The following EVI5 variants were observed in gnomAD, a reference collection of about 807,000 sequenced individuals.
EVI5 encodes ecotropic viral integration site 5.
Under a neutral mutation model 112.0 loss-of-function variants are expected in EVI5, and 73 were observed. The ratio of observed to expected loss-of-function variants is 0.65; its 90% CI spans 0.54 to 0.79. The LOEUF (loss-of-function observed/expected upper bound fraction) is 0.79. Ranked by LOEUF, EVI5 falls within the 30% of genes least tolerant of loss-of-function variation. The probability of loss-of-function intolerance (pLI) is 0.00; values close to 1 mark genes in which losing one functional copy is unlikely to be tolerated. For missense variants in EVI5, 900 were observed against 968.8 expected (o/e 0.93, Z 0.94); for synonymous variants, 305 against 319.9 (o/e 0.95, Z 0.50).
intron 10 of EVI5, among the ~76,000 whole-genome samples, chr1:92,670,747 A>C (rs1665732368): frequency 1.3e-5 from 2 of 152,150 alleles, no homozygotes; most frequent in Non-Finnish European, 2.9e-5. Context: ...ATTGTCTCTC[A>C]GTTGATAATC....
intron 2 of EVI5, among the ~76,000 whole-genome samples, chr1:92,706,830 G>A (rs950613723): frequency 6.6e-6 from 1 of 152,064 alleles, no homozygotes; most frequent in African/African-American, 2.4e-5. Flanking sequence ...CTTATAAAAT[G>A]GTTTAAAATA....
intron 19 of EVI5, among the ~76,000 whole-genome samples, chr1:92,532,990 A>G (rs1345066137): frequency 7.6e-6 from 1 of 131,898 alleles, no homozygotes; most frequent in African/African-American, 3.1e-5. Flanking sequence ...AAATCAATGA[A>G]TCTAGGAACT....
intron 2 of EVI5, among the ~76,000 whole-genome samples, chr1:92,735,510 T>C (rs1477283017): frequency 1.3e-5 from 2 of 151,128 alleles, no homozygotes; most frequent in Non-Finnish European, 2.9e-5. Context: ...TTAAAAGTTA[T>C]TTTTGTTATG....
At chr1:92,612,231 C>A (rs1651992769) in intron 16 of EVI5, among the ~76,000 whole-genome samples, 2 of 150,956 alleles carry the variant, frequency 1.3e-5, no homozygotes, top group South Asian at 4.2e-4. Context: ...AGAGTCAAAC[C>A]AGTACAGAGA....
chr1:92,571,146 C>A (rs1670269861), intron 18 of EVI5, among the ~76,000 whole-genome samples: 1 of 149,888 alleles, frequency 6.7e-6, no homozygotes, highest in African/African-American at 2.5e-5. Flanking sequence ...ACTATAATGA[C>A]CATTAAGTCA....
At chr1:92,691,825 A>T (rs1669551324) in intron 9 of EVI5, among the ~76,000 whole-genome samples, 1 of 152,222 alleles carries the variant, frequency 6.6e-6, no homozygotes, top group Admixed American at 6.5e-5. Flanking sequence ...GAAGACAGCA[A>T]GTTTAGGAAG....
At chr1:92,711,894 G>C (rs1172154273) in intron 2 of EVI5, among the ~76,000 whole-genome samples, 1 of 152,146 alleles carries the variant, frequency 6.6e-6, no homozygotes, top group Non-Finnish European at 1.5e-5. Flanking sequence ...TTTGGAGGGT[G>C]GGAAGCCCAA....
intron 16 of EVI5, 67 bp from the exon 17 acceptor site, chr1:92,607,794 A>G (rs1390442480): frequency 1.0e-6 from 1 of 990,104 alleles, no homozygotes. Flanking sequence ...AAAATTACCT[A>G]TCCATTTTAT....
At chr1:92,539,542 CAAAAAAAAAA>C (rs1209654037) in intron 19 of EVI5, among the ~76,000 whole-genome samples, 1 of 16,822 alleles carries the variant, frequency 5.9e-5, no homozygotes, top group Non-Finnish European at 1.0e-4. Context: ...GACTCCATCT[CAAAAAAAAAA>C]AAAAAAAAAA....
intron 19 of EVI5, among the ~76,000 whole-genome samples, chr1:92,547,253 G>A (rs915478991): frequency 2.6e-5 from 4 of 152,120 alleles, no homozygotes; most frequent in Non-Finnish European, 4.4e-5. Flanking sequence ...TGACTACTGG[G>A]TACGTAACGA....
At chr1:92,641,329 C>T (rs1659928347) in intron 13 of EVI5, among the ~76,000 whole-genome samples, 1 of 152,080 alleles carries the variant, frequency 6.6e-6, no homozygotes, top group Non-Finnish European at 1.5e-5. Flanking sequence ...CCAAACAGTG[C>T]TTTTCATAGG....
At chr1:92,568,242 G>A (rs1315787521) in intron 18 of EVI5, among the ~76,000 whole-genome samples, 1 of 151,824 alleles carries the variant, frequency 6.6e-6, no homozygotes, top group Non-Finnish European at 1.5e-5. Flanking sequence ...TGGGCATGGT[G>A]ATGGGCACCT....
intron 19 of EVI5, among the ~76,000 whole-genome samples, chr1:92,521,234 T>A (rs1399118236): frequency 6.6e-6 from 1 of 152,112 alleles, no homozygotes; most frequent in Non-Finnish European, 1.5e-5. Flanking sequence ...AGTGCTGAGA[T>A]TACAGGCATT....
intron 1 of EVI5, among the ~76,000 whole-genome samples, chr1:92,777,926 T>G (rs1570930272): frequency 1.1e-5 from 1 of 93,938 alleles, no homozygotes; most frequent in African/African-American, 4.0e-5. Flanking sequence ...TTTTTTTTTT[T>G]GTGACGGAGT....
intron 16 of EVI5, among the ~76,000 whole-genome samples, chr1:92,613,806 G>C (rs1652435084): frequency 6.6e-6 from 1 of 152,092 alleles, no homozygotes; most frequent in East Asian, 1.9e-4. Flanking sequence ...GCCCAGGCTA[G>C]TCTCAAACTC....
chr1:92,713,725 C>T (rs995917199), intron 2 of EVI5, among the ~76,000 whole-genome samples: 18 of 152,016 alleles, frequency 1.2e-4, no homozygotes, highest in Non-Finnish European at 2.4e-4. Flanking sequence ...TGCAGTGAGC[C>T]GAGATTGCAC....
chr1:92,761,057 CAA>C (rs35833050), intron 1 of EVI5, among the ~76,000 whole-genome samples: 1 of 106,234 alleles, frequency 9.4e-6, no homozygotes, highest in Non-Finnish European at 1.8e-5. Context: ...GGCTCCATCT[CAA>C]AAAAAAAAAA....
In EVI5 at chr1:92,624,272, C is replaced by A. The variant is rs756965523; in HGVS notation, c.1731G>T (p.Glu577Asp). 1.2e-6 allele frequency: 2 copies of A among 1,612,386 alleles called. No individual in the cohort carries two copies. Among genetic ancestry groups the A allele is most frequent in the East Asian group, 4.5e-5 (2 of 44,858 alleles). The change falls in exon 16 of 20, where the codon GAG becomes GAT. Residue 577 changes from glutamate to aspartate, a missense_variant. Physicochemically the swap from Glu to Asp is conservative, Grantham distance 45 (BLOSUM62 2). Transcript: ENST00000684568. ...KDPPKKNAMN[E>D]LQDELMTIRL... ...GAATGGTCATCAGTTCATCTTGTAACTCATTCATAGCATTTTTCTTGGGTG... is the reference window on the plus strand; with the variant it reads ...GAATGGTCATCAGTTCATCTTGTAAATCATTCATAGCATTTTTCTTGGGTG...
At chr1:92,661,170 C>T (rs1158813814) in intron 13 of EVI5, among the ~76,000 whole-genome samples, 2 of 151,950 alleles carry the variant, frequency 1.3e-5, no homozygotes, top group East Asian at 1.9e-4. Flanking sequence ...GCGGTGGATG[C>T]TTATATTGGT....
Sources: gnomAD v4.1 joint callset for allele counts (sites outside exome capture counted in the v4.1 genomes callset) on GRCh38, gnomAD v4.1.1 for gene constraint, MANE v1.5 for transcripts, NCBI Gene and HGNC (gene_info 2026-07-23, HGNC 2026-07-21) for gene names.